BID: variants seen among roughly 807,000 people sequenced by gnomAD.
BID encodes BH3-interacting domain death agonist.
Under a neutral mutation model 17.4 loss-of-function variants are expected in BID, and 19 were observed. The ratio of observed to expected loss-of-function variants is 1.09; its 90% CI spans 0.76 to 1.60. The LOEUF (loss-of-function observed/expected upper bound fraction) is 1.60. Ranked by LOEUF, BID falls within the 40% of genes most tolerant of loss-of-function variation. The pLI is 0.00. For synonymous variants in BID, 108 were observed against 102.8 expected (o/e 1.05, Z -0.31); for missense variants, 226 against 256.0 (o/e 0.88, Z 0.80).
At chr22:17,754,227 G>A (rs372989900) in intron 1 of BID, among the ~76,000 whole-genome samples, 1 of 150,234 alleles carries the variant, frequency 6.7e-6, no homozygotes, top group Non-Finnish European at 1.5e-5. Flanking sequence ...GGACTCTGCC[G>A]GATGGGGGTG....
intron 1 of BID, among the ~76,000 whole-genome samples, chr22:17,756,432 CTTCTTTCTTTCT>C (rs1555906073): frequency 3.2e-3 from 223 of 69,276 alleles, no homozygotes; most frequent in Non-Finnish European, 5.6e-3. Context: ...TTCTTTCTTT[CTTCTTTCTTTCT>C]TTCTTTCTTT....
intron 3 of BID, among the ~76,000 whole-genome samples, chr22:17,741,667 G>A (rs548720870): frequency 1.8e-4 from 27 of 151,858 alleles, no homozygotes; most frequent in African/African-American, 5.3e-4. Context: ...TAGTAGAGAC[G>A]GGGTTTCACC....
chr22:17,744,768 T>A (rs565550052), intron 2 of BID, among the ~76,000 whole-genome samples: 8 of 152,224 alleles, frequency 5.3e-5, no homozygotes, highest in Admixed American at 4.6e-4. Context: ...ACTGACTGTG[T>A]TTGGGGGCTG....
At chr22:17,762,295 G>C (rs973798082) in intron 1 of BID, among the ~76,000 whole-genome samples, 7 of 152,178 alleles carry the variant, frequency 4.6e-5, no homozygotes, top group African/African-American at 1.7e-4. Context: ...TCAGGAGTTT[G>C]AGACCAGCCT....
chr22:17,744,035 G>C (rs773096522), intron 2 of BID, 22 bp from the exon 3 acceptor site: 2 of 1,602,984 alleles, frequency 1.2e-6, no homozygotes, highest in African/African-American at 2.7e-5. Flanking sequence ...GGGGAGTCAG[G>C]AAGCCGGGAC....
In BID at chr22:17,734,307, A is replaced by G. The variant is rs1340592482; in HGVS notation, c.*1273T>C. 2.0e-5 allele frequency: 3 copies of G among 148,602 alleles called. No homozygotes were observed. The highest frequency in any genetic ancestry group is 4.6e-5 in the Non-Finnish European group (3 of 65,594). The allele number at this position is 148,602 out of a possible 1,614,324, so 9.2% of individuals were successfully genotyped here. On this transcript the variant is annotated 3_prime_UTR_variant, in exon 6 of 6. Transcript: ENST00000622694. The stretch of plus-strand genomic sequence containing the variant: ...TGTTTTTCCTTTCTGATGATTTTAA[A>G]CTCTTAAAGAACAGGAAAGCATCTG...
intron 1 of BID, among the ~76,000 whole-genome samples, chr22:17,768,514 TCCCTGGTGAGC>T (rs2061694638): frequency 6.6e-6 from 1 of 152,078 alleles, no homozygotes; most frequent in Non-Finnish European, 1.5e-5. Context: ...TACTCCAGAA[TCCCTGGTGAGC>T]CTCTGGTGAG....
chr22:17,756,756 A>G (rs965492100), intron 1 of BID, among the ~76,000 whole-genome samples: 1 of 151,704 alleles, frequency 6.6e-6, no homozygotes, highest in Non-Finnish European at 1.5e-5. Context: ...TTGTATTTTT[A>G]GCAGAGATGG....
At chr22:17,743,667 G>A (rs2061475712) in intron 3 of BID, 136 bp downstream of exon 3, 6 of 851,182 alleles carry the variant, frequency 7.0e-6, no homozygotes, top group Non-Finnish European at 1.1e-5. Flanking sequence ...GTGATTAAGT[G>A]ATACCAGCGT....
chr22:17,768,950 G>A (rs1308255144), intron 1 of BID, among the ~76,000 whole-genome samples: 1 of 151,390 alleles, frequency 6.6e-6, no homozygotes, highest in South Asian at 2.1e-4. Context: ...GCTGAGACAG[G>A]AGAATGGCGT....
At chr22:17,738,344 G>T in intron 4 of BID, 115 bp from the exon 5 acceptor site, 2 of 981,164 alleles carry the variant, frequency 2.0e-6, no homozygotes, top group Non-Finnish European at 3.0e-6. Context: ...CAGGGCTGCT[G>T]GGCGGAAAGA....
rs1290735330 is a variant in BID at position 17,738,103 on chromosome 22, G to A, written c.490C>T (p.Pro164Ser). 5 of 1,614,174 alleles carry A rather than the reference G, an allele frequency of 3.1e-6. No individual in the cohort carries two copies. Among genetic ancestry groups the A allele is most frequent in the South Asian group, 1.1e-5 (1 of 91,076 alleles). The change falls in exon 5 of 6, where the codon CCG becomes TCG. Residue 164 changes from proline (P) to serine (S), a missense_variant. Transcript: ENST00000622694. ...TGAAAGACATCACGGAGCAAGGACG[G>A]CGTGTGACTGGCCACCTTCTTGGCC... ...LLAKKVASHT[P>S]SLLRDVFHTT...
intron 1 of BID, among the ~76,000 whole-genome samples, chr22:17,770,861 T>A (rs796207511): frequency 6.3e-4 from 96 of 152,232 alleles, no homozygotes; most frequent in African/African-American, 2.0e-3. Flanking sequence ...GGCTGGGGGA[T>A]CCCATGCAGA....
At chr22:17,757,402 C>CA (rs34545330) in intron 1 of BID, among the ~76,000 whole-genome samples, 30,234 of 60,888 alleles carry the variant, frequency 0.5, 7,321 homozygotes, top group East Asian at 0.66. Flanking sequence ...GACCCTGTCC[C>CA]AAAAAAAAAA....
At chr22:17,767,593 C>G (rs1345201509) in intron 1 of BID, among the ~76,000 whole-genome samples, 1 of 152,160 alleles carries the variant, frequency 6.6e-6, no homozygotes, top group African/African-American at 2.4e-5. Flanking sequence ...CATCCAGATT[C>G]TCCGTATCTG....
At chr22:17,751,893 A>C (rs944287612) in intron 1 of BID, among the ~76,000 whole-genome samples, 1 of 152,218 alleles carries the variant, frequency 6.6e-6, no homozygotes, top group Non-Finnish European at 1.5e-5. Context: ...TGCACCCACA[A>C]GAGACAAAGC....
intron 1 of BID, among the ~76,000 whole-genome samples, chr22:17,772,337 G>T (rs934895901): frequency 5.9e-5 from 9 of 152,210 alleles, no homozygotes; most frequent in Non-Finnish European, 1.3e-4. Flanking sequence ...CTGTGGGGTG[G>T]GCAGGGGCAG....
chr22:17,757,137 G>A (rs920183966), intron 1 of BID, among the ~76,000 whole-genome samples: 59 of 152,184 alleles, frequency 3.9e-4, no homozygotes, highest in African/African-American at 1.1e-3. Context: ...GGCTTCGGCC[G>A]GGCACGCTGG....
At chr22:17,745,231 A>G (rs1461892839) in intron 2 of BID, among the ~76,000 whole-genome samples, 2 of 151,900 alleles carry the variant, frequency 1.3e-5, no homozygotes, top group Non-Finnish European at 2.9e-5. Flanking sequence ...TTGTATTTTT[A>G]GTAGAGACGA....
Sources: gnomAD v4.1 joint callset for allele counts (sites outside exome capture counted in the v4.1 genomes callset) on GRCh38, gnomAD v4.1.1 for gene constraint, MANE v1.5 for transcripts, NCBI Gene and HGNC (gene_info 2026-07-23, HGNC 2026-07-21) for gene names.